CAMKMT: variants seen among roughly 807,000 people sequenced by gnomAD.
The protein encoded by CAMKMT is CaM KMT.
In CAMKMT, 53 loss-of-function variants were observed where a neutral mutation model predicts 48.0. The observed-to-expected ratio is 1.10, with a 90% CI of 0.89 to 1.39. The LOEUF is 1.39. Among genes scored for constraint, CAMKMT ranks in the 40% most tolerant of loss-of-function variants. The pLI is 0.00. For synonymous variants in CAMKMT, 165 were observed against 152.3 expected (o/e 1.08, Z -0.61); for missense variants, 428 against 402.7 (o/e 1.06, Z -0.54).
intron 5 of CAMKMT, among the ~76,000 whole-genome samples, chr2:44,706,607 G>A (rs1339449408): frequency 6.7e-6 from 1 of 148,480 alleles, no homozygotes; most frequent in African/African-American, 2.5e-5. Flanking sequence ...TTGCCATAGC[G>A]AAAGCATTTT....
intron 3 of CAMKMT, among the ~76,000 whole-genome samples, chr2:44,644,662 G>A (rs1446596457): frequency 6.6e-6 from 1 of 152,048 alleles, no homozygotes; most frequent in African/African-American, 2.4e-5. Context: ...TCATTTCTTT[G>A]CACTGTTAAT....
At chr2:44,695,147 C>T (rs1676868762) in intron 3 of CAMKMT, among the ~76,000 whole-genome samples, 1 of 152,160 alleles carries the variant, frequency 6.6e-6, no homozygotes, top group African/African-American at 2.4e-5. Context: ...CTATAATTTT[C>T]AGATAAGCAT....
Position 44,363,315 on chromosome 2 carries a change from T to A in CAMKMT, c.138+1170T>A, listed in dbSNP as rs77880259. ...AATAAAGTAAATATCTAATTTTTTT[T>A]AATAGTGACCACTGAAATGAGATCT... On this transcript the variant is annotated intron_variant, in intron 1 of 10. Coordinates refer to ENST00000378494, the MANE Select transcript of CAMKMT (RefSeq NM_024766.5). 6.2e-3 allele frequency among the ~76,000 whole-genome samples: 944 copies of A among 152,276 alleles called. 10 individuals are homozygous for A. The highest frequency in any genetic ancestry group is 8.6e-3 in the Non-Finnish European group (586 of 68,028).
chr2:44,722,861 A>G (rs1453644277), intron 7 of CAMKMT, among the ~76,000 whole-genome samples: 2 of 152,192 alleles, frequency 1.3e-5, no homozygotes, highest in Non-Finnish European at 2.9e-5. Flanking sequence ...AATTAGTAAA[A>G]TAATTAGTAC....
chr2:44,370,901 C>G (rs762880543), intron 1 of CAMKMT, among the ~76,000 whole-genome samples: 6 of 152,214 alleles, frequency 3.9e-5, no homozygotes, highest in Non-Finnish European at 7.3e-5. Context: ...ACCTCAAACT[C>G]CTATGCTCAA....
chr2:44,490,224 A>G (rs1006982711), intron 3 of CAMKMT, among the ~76,000 whole-genome samples: 6 of 152,052 alleles, frequency 3.9e-5, no homozygotes, highest in African/African-American at 1.4e-4. Context: ...TAATTATATA[A>G]TTTTCAATAA....
chr2:44,600,307 C>A (rs956149682), intron 3 of CAMKMT, among the ~76,000 whole-genome samples: 8 of 151,736 alleles, frequency 5.3e-5, no homozygotes, highest in African/African-American at 1.5e-4. Flanking sequence ...CGCTCTGTTG[C>A]CCAGTCTGGA....
chr2:44,732,534 T>A (rs185018574), intron 7 of CAMKMT, among the ~76,000 whole-genome samples: 1 of 152,214 alleles, frequency 6.6e-6, no homozygotes, highest in Non-Finnish European at 1.5e-5. Context: ...AGGGTCCTAC[T>A]TGTATGCGCC....
chr2:44,469,210 T>C (rs545949030), intron 3 of CAMKMT, among the ~76,000 whole-genome samples: 125 of 152,318 alleles, frequency 8.2e-4, no homozygotes, highest in African/African-American at 2.9e-3. Context: ...ATTGTACATA[T>C]ATATCAAAGT....
Position 44,761,160 on chromosome 2 carries a change from G to A in CAMKMT, c.763-5270G>A, listed in dbSNP as rs118138979. On this transcript the variant is annotated intron_variant, in intron 9 of 10. Transcript: ENST00000378494. The stretch of plus-strand genomic sequence containing the variant: ...GGAGGCCAGAGAAGTCAGCAAAGGC[G>A]TCACAAGGGCAGGGAGTCTAACCTG... Among the ~76,000 whole-genome samples the A allele has an allele frequency of 1.7e-3, 266 of 152,314 alleles. 1 individual carries two copies. The East Asian group carries it at 0.02, about 11-fold the overall frequency.
chr2:44,500,882 A>G (rs1243770337), intron 3 of CAMKMT, among the ~76,000 whole-genome samples: 1 of 151,872 alleles, frequency 6.6e-6, no homozygotes, highest in African/African-American at 2.4e-5. Context: ...GGGTTTCACC[A>G]TGTTGACCAG....
At chr2:44,464,550 G>A (rs891237065) in intron 3 of CAMKMT, among the ~76,000 whole-genome samples, 85 of 152,238 alleles carry the variant, frequency 5.6e-4, no homozygotes, top group South Asian at 1.0e-3. Flanking sequence ...ATAAACTGTC[G>A]AATGTCAAAG....
At chr2:44,664,194 C>A (rs972980323) in intron 3 of CAMKMT, among the ~76,000 whole-genome samples, 1 of 152,184 alleles carries the variant, frequency 6.6e-6, no homozygotes, top group Non-Finnish European at 1.5e-5. Flanking sequence ...TTTGAATATA[C>A]ATTTAGTTGC....
intron 3 of CAMKMT, among the ~76,000 whole-genome samples, chr2:44,416,957 A>G (rs1470599294): frequency 6.6e-6 from 1 of 151,078 alleles, no homozygotes; most frequent in African/African-American, 2.4e-5. Flanking sequence ...TTTTAGAGAC[A>G]GGGTCTCCCT....
intron 3 of CAMKMT, among the ~76,000 whole-genome samples, chr2:44,446,473 G>A (rs562072432): frequency 6.6e-6 from 1 of 152,116 alleles, no homozygotes; most frequent in South Asian, 2.1e-4. Flanking sequence ...CAGTCACCGA[G>A]TAGCTTGGAT....
chr2:44,603,551 A>G (rs1356502550), intron 3 of CAMKMT, among the ~76,000 whole-genome samples: 4 of 152,210 alleles, frequency 2.6e-5, no homozygotes, highest in Non-Finnish European at 4.4e-5. Flanking sequence ...GGTCAGCAAC[A>G]TAGGCTAAGG....
At chr2:44,537,074 A>C (rs1666816237) in intron 3 of CAMKMT, among the ~76,000 whole-genome samples, 1 of 152,210 alleles carries the variant, frequency 6.6e-6, no homozygotes, top group Non-Finnish European at 1.5e-5. Flanking sequence ...ATGAAAACAT[A>C]GGGGAAACAG....
chr2:44,417,901 A>T (rs557109384), intron 3 of CAMKMT, among the ~76,000 whole-genome samples: 1 of 152,274 alleles, frequency 6.6e-6, no homozygotes, highest in African/African-American at 2.4e-5. Flanking sequence ...GATTGTCTTA[A>T]TGAGTTGTAG....
At chr2:44,588,665 G>GA (rs1670063326) in intron 3 of CAMKMT, among the ~76,000 whole-genome samples, 1 of 32,710 alleles carries the variant, frequency 3.1e-5, no homozygotes, top group Non-Finnish European at 6.0e-5. Context: ...TCAGCCCCCC[G>GA]CCCGGCCAGC....
Sources: gnomAD v4.1 joint callset for allele counts (sites outside exome capture counted in the v4.1 genomes callset) on GRCh38, gnomAD v4.1.1 for gene constraint, MANE v1.5 for transcripts, NCBI Gene and HGNC (gene_info 2026-07-23, HGNC 2026-07-21) for gene names.